The following TRPC4AP variants were observed in gnomAD, a reference collection of about 807,000 sequenced individuals.
TRPC4AP encodes the protein short transient receptor potential channel 4-associated protein.
TRPC4AP carries 45 observed loss-of-function variants against 99.0 expected under a neutral mutation model. The observed-to-expected ratio is 0.45, with a 90% CI of 0.36 to 0.58. The LOEUF is 0.58. Among genes scored for constraint, TRPC4AP ranks in the 20% least tolerant of loss-of-function variants. The pLI, the probability that TRPC4AP is intolerant of heterozygous loss-of-function variation, is 0.00. For missense variants in TRPC4AP, 879 were observed against 985.3 expected (o/e 0.89, Z 1.44); for synonymous variants, 408 against 385.8 (o/e 1.06, Z -0.67).
chr20:35,043,523 A>G (rs947843338), intron 7 of TRPC4AP, among the ~76,000 whole-genome samples: 2 of 152,194 alleles, frequency 1.3e-5, no homozygotes, highest in African/African-American at 4.8e-5. Context: ...CTGGGATTAC[A>G]GGCGTTAAGC....
At chr20:35,008,792 A>AGG in intron 12 of TRPC4AP, 45 bp from the exon 13 acceptor site, 1 of 1,574,574 alleles carries the variant, frequency 6.4e-7, no homozygotes, top group Non-Finnish European at 8.7e-7. Context: ...AGAGGCTGAC[A>AGG]GGGGCCCTGG....
At chr20:35,051,002 AAAAG>A (rs1461746951) in intron 5 of TRPC4AP, among the ~76,000 whole-genome samples, 1 of 150,664 alleles carries the variant, frequency 6.6e-6, no homozygotes, top group Non-Finnish European at 1.5e-5. Context: ...CCTATCTCTA[AAAAG>A]AAAGAAACTG....
chr20:35,002,905 C>T lies in TRPC4AP; in HGVS notation c.*241G>A. 2.1e-6 allele frequency: 1 copy of T among 486,650 alleles called. No individual in the cohort carries two copies. Among genetic ancestry groups the T allele is most frequent in the East Asian group, 3.7e-5 (1 of 26,972 alleles). The allele number at this position is 486,650 out of a possible 1,614,324, so 30.1% of individuals were successfully genotyped here. ...CTGGGTGGCCCTGGGCCCCAGGGTT[C>T]TGAAGGAAAGGTGGGCATGGTACCC... is the stretch of plus-strand genomic sequence containing the variant. On this transcript the variant is annotated 3_prime_UTR_variant, in exon 19 of 19. Transcript: ENST00000252015.
At chr20:35,010,101 C>T in intron 12 of TRPC4AP, 86 bp downstream of exon 12, 1 of 1,072,800 alleles carries the variant, frequency 9.3e-7, no homozygotes, top group East Asian at 2.4e-5. Flanking sequence ...GACACGCGTG[C>T]ATACCTGGAT....
intron 1 of TRPC4AP, among the ~76,000 whole-genome samples, chr20:35,091,298 G>GTT (rs1269674832): frequency 1.3e-5 from 2 of 151,958 alleles, no homozygotes; most frequent in Non-Finnish European, 2.9e-5. Context: ...GAACACAAGG[G>GTT]GGAAAAAGGC....
intron 4 of TRPC4AP, 33 bp from the exon 5 acceptor site, chr20:35,055,064 T>C: frequency 1.2e-6 from 2 of 1,601,082 alleles, no homozygotes; most frequent in Non-Finnish European, 1.7e-6. Flanking sequence ...TGGTTATTTT[T>C]CTCAATGAAA....
At chr20:35,086,964 C>T (rs1405605641) in intron 1 of TRPC4AP, among the ~76,000 whole-genome samples, 2 of 151,512 alleles carry the variant, frequency 1.3e-5, no homozygotes, top group Non-Finnish European at 2.9e-5. Context: ...ACCCGGGAAG[C>T]GGAGGTTGCA....
intron 5 of TRPC4AP, among the ~76,000 whole-genome samples, chr20:35,052,189 T>C (rs1015657344): frequency 6.7e-6 from 1 of 149,330 alleles, no homozygotes; most frequent in African/African-American, 2.5e-5. Flanking sequence ...AGCCTTAACC[T>C]CTCAGGCTCA....
rs1471969138 is a variant in TRPC4AP at position 35,020,356 on chromosome 20, G to T, written c.1218+834C>A. ...CAGCTTGACATGACCTGGTCCCTGT[G>T]AGCCCTCAGCCCTCCTCTCCTGGCT... On this transcript the variant is annotated intron_variant, in intron 9 of 18. Transcript: ENST00000252015. Among the ~76,000 whole-genome samples the T allele has an allele frequency of 3.3e-5, 5 of 152,136 alleles. No homozygotes were observed. In the East Asian group the frequency reaches 7.7e-4, roughly 23 times the overall value.
chr20:35,055,767 A>C (rs1193804229), intron 4 of TRPC4AP, among the ~76,000 whole-genome samples: 1 of 152,092 alleles, frequency 6.6e-6, no homozygotes, highest in Admixed American at 6.6e-5. Context: ...TATCAGACTC[A>C]TTAACTGAGC....
rs537010838 is a variant in TRPC4AP at position 35,067,152 on chromosome 20, A to G, written c.414+2144T>C. Among the ~76,000 whole-genome samples the G allele has an allele frequency of 4.6e-5, 7 of 152,310 alleles. No individual in the cohort carries two copies. The East Asian group carries it at 9.6e-4, about 21-fold the overall frequency. On this transcript the variant is annotated intron_variant, in intron 3 of 18. Coordinates refer to ENST00000252015, the MANE Select transcript of TRPC4AP (RefSeq NM_015638.3). Reference sequence around the variant, plus strand: ...GGCAATCAGAGAAATTCAAATCAAGACCACAATGAGATGTCTCTTCACACT... The same window carrying G: ...GGCAATCAGAGAAATTCAAATCAAGGCCACAATGAGATGTCTCTTCACACT...
At chr20:35,085,835 T>C (rs578186761) in intron 1 of TRPC4AP, among the ~76,000 whole-genome samples, 1 of 152,278 alleles carries the variant, frequency 6.6e-6, no homozygotes, top group South Asian at 2.1e-4. Context: ...TTCTAGACAT[T>C]TACAGTTTCC....
intron 2 of TRPC4AP, 101 bp from the exon 3 acceptor site, chr20:35,069,513 G>T: frequency 1.3e-6 from 1 of 745,006 alleles, no homozygotes; most frequent in Non-Finnish European, 2.3e-6. Context: ...GAGTTCCCAT[G>T]AACACAAAGA....
At chr20:35,015,045 C>T (rs924400958) in intron 10 of TRPC4AP, among the ~76,000 whole-genome samples, 2 of 152,150 alleles carry the variant, frequency 1.3e-5, no homozygotes, top group Non-Finnish European at 2.9e-5. Context: ...GTCACCCAGG[C>T]CGGATGTGCA....
At chr20:35,061,624 T>C (rs998089887) in intron 3 of TRPC4AP, among the ~76,000 whole-genome samples, 37 of 152,224 alleles carry the variant, frequency 2.4e-4, no homozygotes, top group African/African-American at 8.7e-4. Context: ...GAGTAGTTTT[T>C]TCAATAAGTG....
At chr20:35,004,263 G>A (rs1293686164) in intron 17 of TRPC4AP, among the ~76,000 whole-genome samples, 195 bp downstream of exon 17, 1 of 152,198 alleles carries the variant, frequency 6.6e-6, no homozygotes, top group Non-Finnish European at 1.5e-5. Flanking sequence ...GTGACCTGAG[G>A]GCACTTGCGA....
intron 13 of TRPC4AP, 65 bp from the exon 14 acceptor site, chr20:35,007,705 A>G (rs1213924644): frequency 4.5e-6 from 7 of 1,541,330 alleles, no homozygotes; most frequent in Non-Finnish European, 6.3e-6. Context: ...TCAGTTCTCC[A>G]AGGGGTTGGG....
At chr20:35,073,096 G>C (rs2084367084) in intron 2 of TRPC4AP, among the ~76,000 whole-genome samples, 1 of 152,154 alleles carries the variant, frequency 6.6e-6, no homozygotes. Context: ...TGGTGTATAG[G>C]AATGCTTGCG....
chr20:35,016,116 G>C lies in TRPC4AP; in HGVS notation c.1242C>G (p.Phe414Leu). 6.2e-7 allele frequency: 1 copy of C among 1,614,186 alleles called. No individual in the cohort carries two copies. Among genetic ancestry groups the C allele is most frequent in the Non-Finnish European group, 8.5e-7 (1 of 1,180,028 alleles). Residue 414 changes from phenylalanine to leucine, a missense_variant, in exon 10 of 19, where the codon TTC becomes TTG. By Grantham distance (22) the Phe-to-Leu change is conservative (BLOSUM62 0). Coordinates refer to ENST00000252015, the MANE Select transcript of TRPC4AP (RefSeq NM_015638.3). ...RNQVHRMIAEFKLIPGLNNLF... is the reference protein window; with the variant it reads ...RNQVHRMIAELKLIPGLNNLF... Reference sequence around the variant, plus strand: ...AATTATTAAGTCCAGGGATCAGCTTGAACTCTGCAATCATTCTGTGAACCT... The same window carrying C: ...AATTATTAAGTCCAGGGATCAGCTTCAACTCTGCAATCATTCTGTGAACCT...
Sources: allele counts gnomAD v4.1 joint callset (sites outside exome capture counted in the v4.1 genomes callset), GRCh38; gene constraint gnomAD v4.1.1; transcripts MANE v1.5; gene names NCBI Gene and HGNC (gene_info 2026-07-23, HGNC 2026-07-21).